B4GALT5: variants seen among roughly 807,000 people sequenced by gnomAD.
B4GALT5 encodes the protein beta-1,4-galactosyltransferase 5.
Under a neutral mutation model 45.0 loss-of-function variants are expected in B4GALT5, and 11 were observed. The observed-to-expected ratio is 0.24, with a 90% CI of 0.15 to 0.40. The LOEUF is 0.40. Ranked by LOEUF, B4GALT5 falls within the 10% of genes least tolerant of loss-of-function variation. The probability of loss-of-function intolerance (pLI) is 1.00; values close to 1 mark genes in which losing one functional copy is unlikely to be tolerated. For missense variants in B4GALT5, 337 were observed against 500.2 expected, an observed-to-expected ratio of 0.67 and a Z score of 3.11; for synonymous variants, 185 against 182.9, an observed-to-expected ratio of 1.01 and a Z score of -0.09.
At chr20:49,671,473 G>T (rs6095606) in intron 1 of B4GALT5, among the ~76,000 whole-genome samples, 71,099 of 151,932 alleles carry the variant, frequency 0.47, 17,599 homozygotes, top group South Asian at 0.65. Flanking sequence ...GATTCAAGAC[G>T]GTATATACAT....
chr20:49,706,182 A>T (rs1262541214), intron 1 of B4GALT5, among the ~76,000 whole-genome samples: 1 of 142,388 alleles, frequency 7.0e-6, no homozygotes, highest in African/African-American at 2.6e-5. Flanking sequence ...GCAACAAGAG[A>T]GCGAAACTCC....
At chr20:49,684,501 T>C in intron 1 of B4GALT5, 1 of 500,740 alleles carries the variant, frequency 2.0e-6, no homozygotes, top group South Asian at 1.5e-5. Context: ...AGGCAGAGCT[T>C]GCAGTGAGCC....
At chr20:49,667,134 A>G (rs570180363) in intron 1 of B4GALT5, among the ~76,000 whole-genome samples, 61 of 152,060 alleles carry the variant, frequency 4.0e-4, no homozygotes, top group Admixed American at 2.7e-3. Context: ...TTTAACAAAC[A>G]TGCTCTACTG....
intron 1 of B4GALT5, among the ~76,000 whole-genome samples, chr20:49,701,507 C>T (rs1222688690): frequency 3.3e-5 from 5 of 152,176 alleles, no homozygotes; most frequent in Non-Finnish European, 7.3e-5. Flanking sequence ...ACACATCACG[C>T]CCCTCCTAGT....
intron 3 of B4GALT5, among the ~76,000 whole-genome samples, chr20:49,643,922 C>CTTTTTTTTTTTTTTTTTT (rs138727530): frequency 9.6e-5 from 5 of 52,184 alleles, no homozygotes; most frequent in African/African-American, 4.2e-4. Flanking sequence ...AGTAGCTGAG[C>CTTTTTTTTTTTTTTTTTT]TTTTTTTTTT....
At chr20:49,712,517 A>T (rs1273170653) in intron 1 of B4GALT5, among the ~76,000 whole-genome samples, 1 of 152,000 alleles carries the variant, frequency 6.6e-6, no homozygotes, top group Non-Finnish European at 1.5e-5. Context: ...CCTTTAAAGG[A>T]TAAGACTTTG....
intron 2 of B4GALT5, among the ~76,000 whole-genome samples, chr20:49,647,726 C>A (rs1016585253): frequency 6.6e-6 from 1 of 152,240 alleles, no homozygotes; most frequent in African/African-American, 2.4e-5. Flanking sequence ...TTCAACACCA[C>A]GCCTTTCACC....
At chr20:49,667,004 A>G (rs1385746537) in intron 1 of B4GALT5, among the ~76,000 whole-genome samples, 3 of 152,152 alleles carry the variant, frequency 2.0e-5, no homozygotes, top group Non-Finnish European at 4.4e-5. Flanking sequence ...CATCCTCACA[A>G]TAACTGAGAG....
chr20:49,674,675 G>C (rs1478261097), intron 1 of B4GALT5, among the ~76,000 whole-genome samples: 2 of 149,946 alleles, frequency 1.3e-5, no homozygotes, highest in Non-Finnish European at 3.0e-5. Context: ...AACATAGCGA[G>C]ACCCCATCCC....
chr20:49,668,049 A>C (rs2085699504), intron 1 of B4GALT5, among the ~76,000 whole-genome samples: 1 of 152,184 alleles, frequency 6.6e-6, no homozygotes, highest in African/African-American at 2.4e-5. Flanking sequence ...GTTTAAAGAG[A>C]ACTGGGAGGA....
intron 1 of B4GALT5, among the ~76,000 whole-genome samples, chr20:49,698,419 C>A (rs1484720429): frequency 6.6e-6 from 1 of 152,134 alleles, no homozygotes; most frequent in African/African-American, 2.4e-5. Flanking sequence ...AAAAGTAGCT[C>A]TTACCTAAAG....
Position 49,671,122 on chromosome 20 carries a change from T to TA in B4GALT5, c.116-14421dup, listed in dbSNP as rs1343727407. 1.2e-4 allele frequency among the ~76,000 whole-genome samples: 18 copies of TA among 152,320 alleles called. 1 individual carries two copies. Among genetic ancestry groups the TA allele is most frequent in the East Asian group, 9.6e-4 (5 of 5,182 alleles). Reference sequence around the variant, plus strand: ...GGCCAGGCACGGTGGCTCATGCCTATAATCCCAGCACTTTGGGAGGCCAAG... The same window carrying TA: ...GGCCAGGCACGGTGGCTCATGCCTATAAATCCCAGCACTTTGGGAGGCCAAG... On this transcript the variant is annotated intron_variant, in intron 1 of 8. Coordinates refer to ENST00000371711, the MANE Select transcript of B4GALT5 (RefSeq NM_004776.4).
intron 1 of B4GALT5, among the ~76,000 whole-genome samples, chr20:49,667,495 C>T (rs914897378): frequency 2.0e-5 from 3 of 151,984 alleles, no homozygotes; most frequent in Non-Finnish European, 4.4e-5. Context: ...CCTTGTGATC[C>T]ACCCGCCTTG....
chr20:49,655,104 C>A (rs1435125952), intron 2 of B4GALT5, among the ~76,000 whole-genome samples: 1 of 151,768 alleles, frequency 6.6e-6, no homozygotes, highest in Admixed American at 6.6e-5. Flanking sequence ...GCACTCCAGC[C>A]TGGGAGACAA....
intron 1 of B4GALT5, among the ~76,000 whole-genome samples, chr20:49,711,968 C>A (rs1381131657): frequency 6.6e-6 from 1 of 152,146 alleles, no homozygotes; most frequent in African/African-American, 2.4e-5. Flanking sequence ...ACAGCTAAAC[C>A]ATCAACCCTT....
intron 1 of B4GALT5, among the ~76,000 whole-genome samples, chr20:49,674,908 C>G (rs2085731337): frequency 3.3e-5 from 5 of 152,116 alleles, no homozygotes; most frequent in Admixed American, 3.3e-4. Context: ...CAGTTCTTGC[C>G]ACTCCCAACT....
At chr20:49,637,020 C>T (rs1397280512) in intron 8 of B4GALT5, among the ~76,000 whole-genome samples, 5 of 152,060 alleles carry the variant, frequency 3.3e-5, no homozygotes, top group Admixed American at 6.6e-5. Flanking sequence ...GCGGAAAGGG[C>T]GCCACTGCTC....
intron 1 of B4GALT5, among the ~76,000 whole-genome samples, chr20:49,673,948 G>A (rs1036489344): frequency 2.0e-5 from 3 of 151,846 alleles, no homozygotes; most frequent in Admixed American, 6.6e-5. Flanking sequence ...ATAATAAAAA[G>A]TTCTGGGGGC....
chr20:49,712,848 G>GGGGATGGGGA (rs2085922076), intron 1 of B4GALT5, among the ~76,000 whole-genome samples: 1 of 119,166 alleles, frequency 8.4e-6, no homozygotes, highest in Non-Finnish European at 1.8e-5. Context: ...GGGGGGGGGG[G>GGGGATGGGGA]AGATGGGGAA....
Sources: allele counts gnomAD v4.1 joint callset (sites outside exome capture counted in the v4.1 genomes callset), GRCh38; gene constraint gnomAD v4.1.1; transcripts MANE v1.5; gene names NCBI Gene and HGNC (gene_info 2026-07-23, HGNC 2026-07-21).